Variants in RMDN3 observed in about 807,000 individuals in gnomAD.
The protein encoded by RMDN3 is regulator of microtubule dynamics protein 3.
In RMDN3, 41 loss-of-function variants were observed where a neutral mutation model predicts 61.8. The ratio of observed to expected loss-of-function variants is 0.66; its 90% CI spans 0.52 to 0.86. The LOEUF is 0.86. RMDN3 is among the 40% of genes least tolerant of loss of function. RMDN3 has a pLI of 0.00. For synonymous variants in RMDN3, 247 were observed against 232.0 expected (o/e 1.06, Z -0.59); for missense variants, 557 against 585.3 (o/e 0.95, Z 0.50).
At position 40,754,584 on chromosome 15, in the gene RMDN3, G is replaced by A. The variant is rs753572483; in HGVS notation, c.187+13C>T. On this transcript the variant is annotated intron_variant, in intron 2 of 12. Transcript: ENST00000338376. Reference sequence around the variant, plus strand: ...GTCTGCAGTGACCGCGGTCTCAGGAGACGGGCTCCTACCGTGGCGTCCGGG... The same window carrying A: ...GTCTGCAGTGACCGCGGTCTCAGGAAACGGGCTCCTACCGTGGCGTCCGGG... The A allele has an allele frequency of 1.2e-6, 2 of 1,605,190 alleles. No individual in the cohort carries two copies. Among genetic ancestry groups the A allele is most frequent in the Non-Finnish European group, 1.7e-6 (2 of 1,174,372 alleles).
intron 6 of RMDN3, 37 bp downstream of exon 6, chr15:40,744,010 G>A: frequency 6.4e-7 from 1 of 1,563,328 alleles, no homozygotes; most frequent in Non-Finnish European, 8.7e-7. Context: ...CCCTGAATCA[G>A]TCAGTCACCT....
chr15:40,749,954 C>G (rs540899699), intron 4 of RMDN3, among the ~76,000 whole-genome samples: 196 of 152,318 alleles, frequency 1.3e-3, no homozygotes, highest in African/African-American at 4.6e-3. Flanking sequence ...CCCCGGAGCA[C>G]TCATCAAATC....
At position 40,736,453 on chromosome 15, in the gene RMDN3, C is replaced by T; in HGVS notation, c.*88G>A. On this transcript the variant is annotated 3_prime_UTR_variant, in exon 13 of 13. Coordinates refer to ENST00000338376, the MANE Select transcript of RMDN3 (RefSeq NM_018145.3). ...CCAGGAGACAGATTTGTGTGGTTTC[C>T]TGATCTCAGCAAGGTCTAAGGAAAA... 1 of 1,202,332 alleles carries T rather than the reference C, an allele frequency of 8.3e-7. No individual in the cohort carries two copies. Among genetic ancestry groups the T allele is most frequent in the Admixed American group, 1.8e-5 (1 of 55,486 alleles). The allele number at this position is 1,202,332 out of a possible 1,614,324, so 74.5% of individuals were successfully genotyped here.
chr15:40,743,773 G>C (rs1327251445), intron 6 of RMDN3, among the ~76,000 whole-genome samples: 1 of 152,230 alleles, frequency 6.6e-6, no homozygotes, highest in African/African-American at 2.4e-5. Flanking sequence ...TGTGGCTAGA[G>C]TGAGAAAAAC....
At chr15:40,747,624 A>T (rs574605795) in intron 4 of RMDN3, 9 of 150,560 alleles carry the variant, frequency 6.0e-5, no homozygotes, top group East Asian at 5.9e-4. Context: ...TGACCCTTTT[A>T]ACATACCCTG....
At chr15:40,746,937 G>A (rs141686897) in intron 4 of RMDN3, among the ~76,000 whole-genome samples, 10 of 151,400 alleles carry the variant, frequency 6.6e-5, no homozygotes, top group East Asian at 3.9e-4. Context: ...ATTAGATTTC[G>A]TAACCAACCT....
At chr15:40,751,342 CTTGGT>C in intron 4 of RMDN3, 79 bp downstream of exon 4, 1 of 1,525,056 alleles carries the variant, frequency 6.6e-7, no homozygotes, top group Non-Finnish European at 8.9e-7. Flanking sequence ...TTTGCAGCAG[CTTGGT>C]TTGAATTTTC....
rs1238961053 is a variant in RMDN3 at position 40,737,693 on chromosome 15, C to T, written c.1159G>A (p.Ala387Thr). 1.9e-6 allele frequency: 3 copies of T among 1,614,006 alleles called. No individual in the cohort carries two copies. Among genetic ancestry groups the T allele is most frequent in the African/African-American group, 1.3e-5 (1 of 74,984 alleles). ...AGAGGGCTTTCAAGCAAGGCTGTAG[C>T]AGTTTTTTTTTCTAGCCAGCTCAGG... is the stretch of plus-strand genomic sequence containing the variant. Reference protein sequence around the residue: ...SHLSWLEKKTATALLESPLSA... With the variant: ...SHLSWLEKKTTTALLESPLSA... The change falls in exon 10 of 13, where the codon GCT becomes ACT. Residue 387 changes from alanine to threonine, a missense_variant. Transcript: ENST00000338376.
Position 40,755,090 on chromosome 15 carries a change from T to G in RMDN3, c.-15A>C, listed in dbSNP as rs1028219913. The G allele has an allele frequency of 5.0e-5, 16 of 322,822 alleles. No individual in the cohort carries two copies. Among genetic ancestry groups the G allele is most frequent in the Non-Finnish European group, 9.3e-5 (16 of 171,224 alleles). 20.0% of individuals were successfully genotyped at this position (322,822 alleles called of 1,614,324 possible). ...TGGGCCTTCAACCCCCACCTCAGCC[T>G]CACGACACTGCAGACCACAAACCCG... On this transcript the variant is annotated 5_prime_UTR_variant, in exon 1 of 13. Coordinates refer to ENST00000338376, the MANE Select transcript of RMDN3 (RefSeq NM_018145.3).
At position 40,752,115 on chromosome 15, in the gene RMDN3, C is replaced by T. The variant is rs767282244; in HGVS notation, c.251G>A (p.Arg84Gln). 14 of 1,614,202 alleles carry T rather than the reference C, an allele frequency of 8.7e-6. No homozygotes were observed. Among genetic ancestry groups the T allele is most frequent in the Middle Eastern group, 1.6e-4 (1 of 6,062 alleles). ...GTCCAGCACCTTCTCCTGTCCTTCC[C>T]GTGGAAGGCTGGGCAGCACTGAGGC... ...GDASVLPSLP[R>Q]EGQEKVLDRL... The change falls in exon 3 of 13, where the codon CGG (arginine) becomes CAG (glutamine). Residue 84 changes from arginine to glutamine, a missense_variant. By Grantham distance (43) the Arg-to-Gln change is conservative. Transcript: ENST00000338376.
Position 40,744,128 on chromosome 15 carries a change from G to C in RMDN3, c.829C>G (p.Leu277Val), listed in dbSNP as rs146543934. 2 of 1,613,412 alleles carry C rather than the reference G, an allele frequency of 1.2e-6. No individual in the cohort carries two copies. The highest frequency in any genetic ancestry group is 1.7e-6 in the Non-Finnish European group (2 of 1,180,042). Residue 277 changes from leucine (L) to valine (V), a missense_variant, in exon 6 of 13, where the codon CTC becomes GTC. Coordinates refer to ENST00000338376, the MANE Select transcript of RMDN3 (RefSeq NM_018145.3). ...CTGTAGGCTCGGGCCAGGCGCCAGA[G>C]AAAGTCCTGCCGGCTTCCATACTGC... ...KLVYGSRQDF[L>V]WRLARAYSDM...
chr15:40,739,077 G>T (rs1897178968), intron 7 of RMDN3: 1 of 152,502 alleles, frequency 6.6e-6, no homozygotes, highest in Admixed American at 6.5e-5. Flanking sequence ...AGGAATTTCT[G>T]ATGTTACTTG....
chr15:40,753,293 G>A (rs924092764), intron 2 of RMDN3, among the ~76,000 whole-genome samples: 1 of 152,082 alleles, frequency 6.6e-6, no homozygotes, highest in Admixed American at 6.6e-5. Context: ...ACTTTAGGAG[G>A]CCGAGGCCAG....
At chr15:40,741,620 A>ATTTTTTTTTTTTTT (rs553262858) in intron 6 of RMDN3, among the ~76,000 whole-genome samples, 1,699 of 71,706 alleles carry the variant, frequency 0.024, 389 homozygotes, top group East Asian at 0.08. Context: ...GCAACATAGG[A>ATTTTTTTTTTTTTT]TTTTTTTTTT....
rs750634533 is a variant in RMDN3, at chr15:40,737,704, T to C, written c.1148A>G (p.Glu383Gly). ...AAGCAAGGCTGTAGCAGTTTTTTTTTCTAGCCAGCTCAGGTGAGAGACCTG... is the reference window on the plus strand; with the variant it reads ...AAGCAAGGCTGTAGCAGTTTTTTTTCCTAGCCAGCTCAGGTGAGAGACCTG... ...CYQVSHLSWL[E>G]KKTATALLES... The change falls in exon 10 of 13, where the codon GAA becomes GGA. Residue 383 changes from glutamate to glycine, a missense_variant. Transcript: ENST00000338376. 4 of 1,614,164 alleles carry C rather than the reference T, an allele frequency of 2.5e-6. No individual in the cohort carries two copies. The South Asian group carries it at 4.4e-5, about 18-fold the overall frequency.
Position 40,736,021 on chromosome 15 carries a change from A to C in RMDN3, c.*520T>G, listed in dbSNP as rs1159315747. ...AGCTGCCAGGACACTGGAAGTTATCAAGTGGTCCAGCCCAGGAATACAGGT... is the reference window on the plus strand; with the variant it reads ...AGCTGCCAGGACACTGGAAGTTATCCAGTGGTCCAGCCCAGGAATACAGGT... On this transcript the variant is annotated 3_prime_UTR_variant, in exon 13 of 13. Coordinates refer to ENST00000338376, the MANE Select transcript of RMDN3 (RefSeq NM_018145.3). 6.6e-6 allele frequency: 1 copy of C among 152,608 alleles called. No homozygotes were observed. The highest frequency in any genetic ancestry group is 1.5e-5 in the Non-Finnish European group (1 of 68,338). The allele number at this position is 152,608 out of a possible 1,614,324, so 9.5% of individuals were successfully genotyped here.
intron 10 of RMDN3, 101 bp downstream of exon 10, chr15:40,737,527 C>T: frequency 8.3e-7 from 1 of 1,211,562 alleles, no homozygotes; most frequent in East Asian, 2.3e-5. Context: ...ACAAAATTGC[C>T]CCCGACTAGG....
At chr15:40,753,548 GAAAAA>G (rs1418087973) in intron 2 of RMDN3, among the ~76,000 whole-genome samples, 75 of 151,580 alleles carry the variant, frequency 4.9e-4, no homozygotes, top group African/African-American at 1.8e-3. Context: ...GAAAAGAAAA[GAAAAA>G]AAACACTCCT....
At chr15:40,745,300 C>T in intron 4 of RMDN3, 41 bp from the exon 5 acceptor site, 1 of 1,591,720 alleles carries the variant, frequency 6.3e-7, no homozygotes, top group Non-Finnish European at 8.5e-7. Flanking sequence ...GATTATTCAG[C>T]TCAGAGCCCC....
Sources: gnomAD v4.1 joint callset for allele counts (sites outside exome capture counted in the v4.1 genomes callset) on GRCh38, gnomAD v4.1.1 for gene constraint, MANE v1.5 for transcripts, NCBI Gene and HGNC (gene_info 2026-07-23, HGNC 2026-07-21) for gene names.